Variants in SFTPD observed in about 807,000 individuals in gnomAD.
SFTPD encodes the protein surfactant protein D, also known as pulmonary surfactant-associated protein D.
SFTPD carries 18 observed loss-of-function variants against 34.6 expected under a neutral mutation model. The observed-to-expected ratio is 0.52, with a 90% CI of 0.36 to 0.77. The LOEUF is 0.77. Ranked by LOEUF, SFTPD falls within the 30% of genes least tolerant of loss-of-function variation. The pLI, the probability that SFTPD is intolerant of heterozygous loss-of-function variation, is 0.00. For missense variants in SFTPD, 433 were observed against 468.9 expected (o/e 0.92, Z 0.71); for synonymous variants, 155 against 180.9 (o/e 0.86, Z 1.15).
rs1344592096 is a variant in SFTPD at position 79,941,973 on chromosome 10, A to G, written c.531T>C (p.Pro177=). 3.1e-6 allele frequency: 5 copies of G among 1,612,244 alleles called. No homozygotes were observed. Among genetic ancestry groups the G allele is most frequent in the Non-Finnish European group, 4.2e-6 (5 of 1,178,500 alleles). Residue 177 remains proline (P), a synonymous_variant, in exon 5 of 8, where the codon CCT becomes CCC. Coordinates refer to ENST00000372292, the MANE Select transcript of SFTPD (RefSeq NM_003019.5). ...ERGVPGERGV[P]GNTGAAGSAG... ...GCTCACCTGCTGCCCCTGTGTTTCC[A>G]GGGACTCCACGCTCACCAGGGACAC...
intron 1 of SFTPD, among the ~76,000 whole-genome samples, chr10:79,958,957 G>A (rs1260922637): frequency 1.3e-5 from 2 of 152,184 alleles, no homozygotes; most frequent in South Asian, 4.1e-4. Flanking sequence ...TCAGACCACA[G>A]TGCAATCAAA....
intron 1 of SFTPD, among the ~76,000 whole-genome samples, chr10:79,962,497 T>A (rs1453022829): frequency 6.6e-6 from 1 of 152,082 alleles, no homozygotes; most frequent in Non-Finnish European, 1.5e-5. Context: ...TGCATCCTAT[T>A]TTTTCCTTAT....
In SFTPD at chr10:79,960,683, G is replaced by A. The variant is rs1348527096; in HGVS notation, c.37-14021C>T. ...ATGGAAGAACATTCCATGCTCATGG[G>A]TAGGAAGAATCAATATCGTGAAAAT... On this transcript the variant is annotated intron_variant, in intron 1 of 5. Transcript: ENST00000444384. Among the ~76,000 whole-genome samples, 3 of 152,054 alleles carry A rather than the reference G, an allele frequency of 2.0e-5. No homozygotes were observed. In the East Asian group the frequency reaches 5.8e-4, roughly 29 times the overall value.
intron 1 of SFTPD, among the ~76,000 whole-genome samples, chr10:79,955,210 C>A (rs1483308702): frequency 6.6e-6 from 1 of 152,016 alleles, no homozygotes; most frequent in Non-Finnish European, 1.5e-5. Flanking sequence ...GGAGCTGGAA[C>A]CTTTTACTTG....
At chr10:79,970,605 T>C (rs529611984) in intron 1 of SFTPD, 2 of 152,270 alleles carry the variant, frequency 1.3e-5, no homozygotes, top group East Asian at 3.9e-4. Context: ...AATTTATTAC[T>C]ATGTATTTTA....
chr10:79,942,564 A>G (rs2132495585), intron 3 of SFTPD, 60 bp from the exon 4 acceptor site: 1 of 1,160,080 alleles, frequency 8.6e-7, no homozygotes, highest in Non-Finnish European at 1.3e-6. Context: ...AGGAGTGTGT[A>G]GTAAGGTGAG....
chr10:79,973,608 ACTCTGT>A (rs1408757405), intron 1 of SFTPD, among the ~76,000 whole-genome samples: 2 of 117,048 alleles, frequency 1.7e-5, no homozygotes, highest in African/African-American at 3.8e-5. Flanking sequence ...ACAGAGCAAG[ACTCTGT>A]CTCAAAAAAA....
intron 2 of SFTPD, among the ~76,000 whole-genome samples, chr10:79,945,107 C>T (rs143609437): frequency 5.3e-4 from 81 of 152,252 alleles, no homozygotes; most frequent in African/African-American, 1.9e-3. Context: ...TGTCCAAGTA[C>T]TGACCCAAAG....
At chr10:79,955,960 G>C (rs1443641516) in intron 1 of SFTPD, among the ~76,000 whole-genome samples, 1 of 151,996 alleles carries the variant, frequency 6.6e-6, no homozygotes, top group Admixed American at 6.6e-5. Flanking sequence ...CTGAGTCAAA[G>C]ACAAAGAGGC....
intron 1 of SFTPD, among the ~76,000 whole-genome samples, chr10:79,967,871 C>T (rs1385533149): frequency 1.3e-5 from 2 of 151,862 alleles, no homozygotes; most frequent in Non-Finnish European, 2.9e-5. Flanking sequence ...CTTGTGACCC[C>T]CGCCCCTGCC....
At chr10:79,948,332 G>A (rs535780828) in intron 1 of SFTPD, among the ~76,000 whole-genome samples, 57 of 152,280 alleles carry the variant, frequency 3.7e-4, no homozygotes, top group Admixed American at 9.8e-4. Context: ...CTGTCTACAG[G>A]CTCAAGATGG....
upstream of SFTPD, among the ~76,000 whole-genome samples, chr10:79,952,807 G>A (rs1007689103): frequency 6.6e-6 from 1 of 152,174 alleles, no homozygotes; most frequent in Admixed American, 6.5e-5. Context: ...GAGAGCGAGT[G>A]TGCCTGCATG....
At chr10:79,958,510 C>T (rs1217280235) in intron 1 of SFTPD, among the ~76,000 whole-genome samples, 1 of 152,098 alleles carries the variant, frequency 6.6e-6, no homozygotes, top group Non-Finnish European at 1.5e-5. Context: ...TCTGATAAAA[C>T]AGACTTTAAA....
At chr10:79,941,824 C>T (rs911886) in intron 5 of SFTPD, 130 bp downstream of exon 5, 44,161 of 721,118 alleles carry the variant, frequency 0.061, 3,969 homozygotes, top group East Asian at 0.39. Flanking sequence ...TTCTTGGATA[C>T]AGATTCTCTC....
At chr10:79,941,564 T>C in intron 5 of SFTPD, 50 bp from the exon 6 acceptor site, 2 of 1,443,744 alleles carry the variant, frequency 1.4e-6, no homozygotes, top group Non-Finnish European at 1.9e-6. Context: ...TTATTTTTTT[T>C]GTTTTTAGCA....
Position 79,942,436 on chromosome 10 carries a change from TG to T in SFTPD, c.384del (p.Asn128LysfsTer2). The T allele has an allele frequency of 6.2e-7, 1 of 1,613,634 alleles. No individual in the cohort carries two copies. The highest frequency in any genetic ancestry group is 8.5e-7 in the Non-Finnish European group (1 of 1,179,594). On this transcript the variant is annotated frameshift_variant, in exon 4 of 8. Transcript: ENST00000372292. LOFTEE classifies it high-confidence loss of function. ...GGGCCTGGCTTGCCCTGAGGTCCTA[TG>T]TTCCCCTGCTTCCCCAGGGGACCTT... ...GREGPLGKQGNIGPQGKPGPK... is the reference protein window; with the variant it reads ...GREGPLGKQGXIGPQGKPGPK...
chr10:79,964,203 C>T (rs950471345), intron 1 of SFTPD, among the ~76,000 whole-genome samples: 22 of 152,310 alleles, frequency 1.4e-4, no homozygotes, highest in African/African-American at 4.8e-4. Flanking sequence ...CTTCCATATC[C>T]TGCACCACCA....
intron 7 of SFTPD, among the ~76,000 whole-genome samples, chr10:79,939,173 C>T (rs1232923682): frequency 6.6e-6 from 1 of 152,242 alleles, no homozygotes. Context: ...TTCACAAAAG[C>T]ATTGCCTGTG....
intron 1 of SFTPD, among the ~76,000 whole-genome samples, chr10:79,958,739 A>G (rs1842754808): frequency 6.6e-6 from 1 of 152,180 alleles, no homozygotes; most frequent in Admixed American, 6.5e-5. Flanking sequence ...GATCAACAAG[A>G]CAGAAAGTTA....
Sources: gnomAD v4.1 joint callset for allele counts (sites outside exome capture counted in the v4.1 genomes callset) on GRCh38, gnomAD v4.1.1 for gene constraint, MANE v1.5 for transcripts, NCBI Gene and HGNC (gene_info 2026-07-23, HGNC 2026-07-21) for gene names.